The following LAMA2 variants were observed in gnomAD, a reference collection of about 807,000 sequenced individuals.
LAMA2 encodes the protein laminin subunit alpha-2.
A neutral mutation model predicts 364.8 loss-of-function variants in LAMA2; 269 were observed. The observed-to-expected ratio is 0.74, with a 90% CI of 0.67 to 0.82. The LOEUF is 0.82. LAMA2 is among the 40% of genes least tolerant of loss of function. The pLI is 0.00. For synonymous variants in LAMA2, 1,379 were observed against 1,370.6 expected, an observed-to-expected ratio of 1.01 and a Z score of -0.14; for missense variants, 3,807 against 3,873.2, an observed-to-expected ratio of 0.98 and a Z score of 0.45.
intron 32 of LAMA2, among the ~76,000 whole-genome samples, chr6:129,359,166 T>C (rs1164101901): frequency 1.3e-5 from 2 of 151,396 alleles, no homozygotes; most frequent in Admixed American, 1.3e-4. Flanking sequence ...CTTTCAAAGT[T>C]TCCATTAGTG....
intron 56 of LAMA2, among the ~76,000 whole-genome samples, chr6:129,487,082 T>A (rs1321230386): frequency 6.6e-6 from 1 of 152,306 alleles, no homozygotes; most frequent in Non-Finnish European, 1.5e-5. Context: ...CTGCAGGACC[T>A]ATTGAGCCTA....
intron 17 of LAMA2, among the ~76,000 whole-genome samples, chr6:129,277,232 A>G (rs576415396): frequency 5.3e-5 from 8 of 152,330 alleles, no homozygotes; most frequent in East Asian, 3.9e-4. Context: ...CTTGAGGTCA[A>G]TGATGATCTC....
At chr6:129,306,313 C>CTT (rs11315443) in intron 22 of LAMA2, among the ~76,000 whole-genome samples, 22 of 70,386 alleles carry the variant, frequency 3.1e-4, no homozygotes, top group South Asian at 9.2e-4. Flanking sequence ...TAATTTTTTC[C>CTT]TTTTTTTTTT....
At chr6:129,454,095 TCTC>T in intron 46 of LAMA2, 57 bp from the exon 47 acceptor site, 1 of 1,439,728 alleles carries the variant, frequency 6.9e-7, no homozygotes, top group African/African-American at 1.4e-5. Flanking sequence ...ACTCTGCTGG[TCTC>T]CTCTTTAAAG....
intron 47 of LAMA2, among the ~76,000 whole-genome samples, chr6:129,454,769 GA>G (rs1201333831): frequency 6.6e-6 from 1 of 152,144 alleles, no homozygotes; most frequent in African/African-American, 2.4e-5. Context: ...ACTGAGAACT[GA>G]TTCAGTTATT....
chr6:129,251,570 G>T (rs1344018682), intron 13 of LAMA2, among the ~76,000 whole-genome samples: 3 of 152,154 alleles, frequency 2.0e-5, no homozygotes, highest in African/African-American at 7.2e-5. Context: ...TATTGAAATT[G>T]CATTGCCTTC....
chr6:129,137,881 A>T (rs949242670), intron 4 of LAMA2, among the ~76,000 whole-genome samples: 1 of 152,100 alleles, frequency 6.6e-6, no homozygotes, highest in Non-Finnish European at 1.5e-5. Flanking sequence ...CTAGTAGCAG[A>T]CACAAGCAAG....
At chr6:128,906,207 C>G (rs1777456763) in intron 1 of LAMA2, among the ~76,000 whole-genome samples, 1 of 114,702 alleles carries the variant, frequency 8.7e-6, no homozygotes, top group Non-Finnish European at 1.8e-5. Context: ...GAGGAATCGC[C>G]ACACTGACTT....
chr6:129,243,369 T>C (rs1785515133), intron 12 of LAMA2, among the ~76,000 whole-genome samples: 1 of 152,130 alleles, frequency 6.6e-6, no homozygotes, highest in Non-Finnish European at 1.5e-5. Flanking sequence ...GTTACTCTTT[T>C]TCCCCTTGCC....
chr6:129,404,811 C>G (rs1780162126), intron 40 of LAMA2, among the ~76,000 whole-genome samples: 1 of 152,016 alleles, frequency 6.6e-6, no homozygotes, highest in African/African-American at 2.4e-5. Context: ...AGAAACTGAT[C>G]AATATTTTCT....
intron 32 of LAMA2, among the ~76,000 whole-genome samples, chr6:129,365,905 C>T (rs1257623020): frequency 1.3e-5 from 2 of 152,114 alleles, no homozygotes; most frequent in African/African-American, 4.8e-5. Context: ...ATATTCTATG[C>T]CTTAAAGGAA....
chr6:128,921,707 T>TTATTTATTTTA (rs1286802981), intron 1 of LAMA2, among the ~76,000 whole-genome samples: 1 of 128,426 alleles, frequency 7.8e-6, no homozygotes, highest in African/African-American at 3.8e-5. Flanking sequence ...GTTTTTTTTT[T>TTATTTATTTTA]TTTTTTATTA....
intron 20 of LAMA2, among the ~76,000 whole-genome samples, chr6:129,295,050 T>C (rs535211381): frequency 2.8e-4 from 43 of 152,358 alleles, no homozygotes; most frequent in Non-Finnish European, 2.6e-4. Context: ...GACTATTTTT[T>C]CCTCTGCAGC....
chr6:129,401,203 CT>C lies in LAMA2; in HGVS notation c.5446-19del. The C allele has an allele frequency of 6.9e-7, 1 of 1,448,452 alleles. No homozygotes were observed. The highest frequency in any genetic ancestry group is 1.1e-5 in the South Asian group (1 of 87,318). The allele number at this position is 1,448,452 out of a possible 1,614,324, so 89.7% of individuals were successfully genotyped here. A position where few individuals can be genotyped will look rare whatever the true frequency, so the allele number is the denominator to read the frequency against. On this transcript the variant is annotated intron_variant, in intron 37 of 64. Coordinates refer to ENST00000421865, the MANE Select transcript of LAMA2 (RefSeq NM_000426.4). ...TTTTATGAAAATGCAATTTTGATGTCTTGTTCATAATGGTCTACAGAAAAAG... is the reference window on the plus strand; with the variant it reads ...TTTTATGAAAATGCAATTTTGATGTCTGTTCATAATGGTCTACAGAAAAAG...
At chr6:129,145,496 C>T (rs1384131904) in intron 5 of LAMA2, among the ~76,000 whole-genome samples, 1 of 151,824 alleles carries the variant, frequency 6.6e-6, no homozygotes, top group Non-Finnish European at 1.5e-5. Flanking sequence ...TTTGGCGGGA[C>T]TTAAAAATAT....
At chr6:129,120,696 A>G (rs1583077750) in intron 4 of LAMA2, among the ~76,000 whole-genome samples, 2 of 152,186 alleles carry the variant, frequency 1.3e-5, no homozygotes, top group Non-Finnish European at 2.9e-5. Flanking sequence ...TTTATCTGCT[A>G]TGAAGTGATT....
chr6:129,043,993 T>C (rs796355219), intron 1 of LAMA2, among the ~76,000 whole-genome samples: 2 of 152,308 alleles, frequency 1.3e-5, no homozygotes, highest in African/African-American at 4.8e-5. Context: ...GACCTCTCTT[T>C]ACACCTGCTG....
Position 129,256,180 on chromosome 6 carries a change from C to G in LAMA2, c.2096+3885C>G, listed in dbSNP as rs188340244. Among the ~76,000 whole-genome samples, 410 of 152,208 alleles carry G rather than the reference C, an allele frequency of 2.7e-3. 2 individuals are homozygous for G. The highest frequency in any genetic ancestry group is 9.3e-3 in the African/African-American group (388 of 41,532). On this transcript the variant is annotated intron_variant, in intron 14 of 64. Transcript: ENST00000421865. ...AGGCAATGCAGGGTAACAAGGAGAT[C>G]TTTGGTTTTGGAGTCATGCTTGGGT...
chr6:129,235,504 A>G (rs560538656), intron 12 of LAMA2, among the ~76,000 whole-genome samples: 2 of 152,296 alleles, frequency 1.3e-5, no homozygotes, highest in East Asian at 3.9e-4. Context: ...CCCCTTTGAG[A>G]GTATGAGAAA....
Sources: allele counts gnomAD v4.1 joint callset (sites outside exome capture counted in the v4.1 genomes callset), GRCh38; gene constraint gnomAD v4.1.1; transcripts MANE v1.5; gene names NCBI Gene and HGNC (gene_info 2026-07-23, HGNC 2026-07-21).